WDR72: variants seen among roughly 807,000 people sequenced by gnomAD.
WDR72 encodes WD repeat-containing protein 72.
In WDR72, 120 loss-of-function variants were observed where a neutral mutation model predicts 124.2. That is an observed-to-expected ratio of 0.97 (90% confidence interval 0.83 to 1.12). The LOEUF is 1.12. Ranked by LOEUF, WDR72 falls within the 50% of genes most tolerant of loss-of-function variation. The pLI is 0.00. For synonymous variants in WDR72, 452 were observed against 441.7 expected, an observed-to-expected ratio of 1.02 and a Z score of -0.29; for missense variants, 1,387 against 1,278.8, an observed-to-expected ratio of 1.08 and a Z score of -1.29.
At chr15:53,520,284 A>T (rs1487954404) in intron 19 of WDR72, among the ~76,000 whole-genome samples, 5 of 152,130 alleles carry the variant, frequency 3.3e-5, no homozygotes, top group Non-Finnish European at 7.4e-5. Context: ...TGAGCTATTC[A>T]TTAAAATGAT....
chr15:53,595,949 T>C (rs2012750919), intron 18 of WDR72, among the ~76,000 whole-genome samples: 1 of 152,188 alleles, frequency 6.6e-6, no homozygotes, highest in Non-Finnish European at 1.5e-5. Flanking sequence ...CATTAAAACA[T>C]ATTCTACCTG....
intron 1 of WDR72, among the ~76,000 whole-genome samples, chr15:53,736,584 T>A (rs1472130851): frequency 6.6e-6 from 1 of 152,000 alleles, no homozygotes; most frequent in African/African-American, 2.4e-5. Context: ...TGGCACAAAG[T>A]GTTGAAGCCC....
chr15:53,594,325 G>A (rs1389267256), intron 18 of WDR72, among the ~76,000 whole-genome samples: 3 of 150,186 alleles, frequency 2.0e-5, no homozygotes, highest in Non-Finnish European at 3.0e-5. Flanking sequence ...ATTAAGAAAC[G>A]AGGGGAGGGA....
chr15:53,603,522 A>C (rs2013137624), intron 17 of WDR72, among the ~76,000 whole-genome samples: 3 of 152,012 alleles, frequency 2.0e-5, no homozygotes, highest in Admixed American at 2.0e-4. Flanking sequence ...AAGGTCATTC[A>C]AGTAGGAAAA....
intron 3 of WDR72, among the ~76,000 whole-genome samples, chr15:53,720,555 G>A (rs2017848915): frequency 6.6e-6 from 1 of 152,056 alleles, no homozygotes; most frequent in Non-Finnish European, 1.5e-5. Flanking sequence ...TTTGTCTGAA[G>A]GTTTATTATT....
intron 2 of WDR72, among the ~76,000 whole-genome samples, chr15:53,726,074 G>GA (rs958241445): frequency 1.1e-3 from 143 of 124,736 alleles, no homozygotes; most frequent in South Asian, 6.7e-3. Context: ...TTCATCTCAA[G>GA]AAAAAAAAAA....
intron 14 of WDR72, among the ~76,000 whole-genome samples, chr15:53,661,215 C>A (rs1374698134): frequency 6.6e-6 from 1 of 152,082 alleles, no homozygotes; most frequent in Non-Finnish European, 1.5e-5. Flanking sequence ...TAAAGGAATA[C>A]CTGATGCTGA....
chr15:53,623,452 T>C (rs2014082425), intron 14 of WDR72, among the ~76,000 whole-genome samples: 1 of 151,984 alleles, frequency 6.6e-6, no homozygotes, highest in African/African-American at 2.4e-5. Context: ...ATGATTTCAT[T>C]CTTTTTTATG....
intron 18 of WDR72, among the ~76,000 whole-genome samples, chr15:53,578,684 G>T (rs928645527): frequency 6.6e-6 from 1 of 151,948 alleles, no homozygotes. Context: ...TAAATAATCT[G>T]CACTTTATCC....
intron 13 of WDR72, among the ~76,000 whole-genome samples, chr15:53,678,984 A>C (rs2016282685): frequency 6.6e-6 from 1 of 152,248 alleles, no homozygotes; most frequent in Admixed American, 6.5e-5. Context: ...TTAAAAAAGG[A>C]AATTCTGACA....
At chr15:53,712,706 T>G (rs1223907199) in intron 7 of WDR72, 66 bp downstream of exon 7, 1 of 1,459,572 alleles carries the variant, frequency 6.9e-7, no homozygotes, top group African/African-American at 1.4e-5. Flanking sequence ...ATATTCTTAT[T>G]TTTGTACAAA....
chr15:53,603,269 T>G (rs991964855), intron 17 of WDR72, among the ~76,000 whole-genome samples: 13 of 151,858 alleles, frequency 8.6e-5, no homozygotes, highest in African/African-American at 2.9e-4. Context: ...CAGAAAAGGC[T>G]CTCAATAAAA....
chr15:53,551,855 GACAC>G (rs148675620), intron 18 of WDR72, among the ~76,000 whole-genome samples: 5 of 149,562 alleles, frequency 3.3e-5, no homozygotes, highest in African/African-American at 7.4e-5. Context: ...AGAATACACA[GACAC>G]ACACACACAC....
chr15:53,665,368 C>T (rs953210422), intron 14 of WDR72, among the ~76,000 whole-genome samples: 1 of 152,112 alleles, frequency 6.6e-6, no homozygotes, highest in Non-Finnish European at 1.5e-5. Context: ...AAGCCAGAAC[C>T]TATTTTGTCA....
At chr15:53,606,257 AT>A (rs1183976514) in intron 17 of WDR72, among the ~76,000 whole-genome samples, 1 of 152,134 alleles carries the variant, frequency 6.6e-6, no homozygotes, top group African/African-American at 2.4e-5. Flanking sequence ...CTTTTTAATA[AT>A]TTTTTCCCCA....
chr15:53,615,708 G>C lies in WDR72; in HGVS notation c.2498C>G (p.Ser833Cys). Residue 833 changes from serine to cysteine, a missense_variant, in exon 15 of 20, where the codon TCT becomes TGT. Physicochemically the swap from Ser to Cys is moderately radical, Grantham distance 112. Coordinates refer to ENST00000360509, the MANE Select transcript of WDR72 (RefSeq NM_182758.4). The part of the protein sequence containing the change: ...KLQGPISLGI[S>C]LNEDNFSLML... ...CAGTGAGAAATTATCTTCATTCAAA[G>C]AAATTCCCAAAGAAATAGGACCCTG... The C allele has an allele frequency of 1.2e-6, 2 of 1,612,198 alleles. No homozygotes were observed. Among genetic ancestry groups the C allele is most frequent in the Non-Finnish European group, 8.5e-7 (1 of 1,179,190 alleles).
chr15:53,726,272 A>G (rs1675183611), intron 2 of WDR72, among the ~76,000 whole-genome samples: 1 of 117,048 alleles, frequency 8.5e-6, no homozygotes, highest in Non-Finnish European at 1.6e-5. Context: ...GTGTATATAT[A>G]TATATATATA....
At chr15:53,547,266 G>A (rs1037325391) in intron 18 of WDR72, among the ~76,000 whole-genome samples, 2 of 152,280 alleles carry the variant, frequency 1.3e-5, no homozygotes, top group South Asian at 2.1e-4. Flanking sequence ...CCGAGTTGCC[G>A]GGATTACAGG....
At chr15:53,570,748 A>C (rs1399760315) in intron 18 of WDR72, among the ~76,000 whole-genome samples, 3 of 152,094 alleles carry the variant, frequency 2.0e-5, no homozygotes, top group African/African-American at 7.2e-5. Flanking sequence ...CCCAAAGGAA[A>C]ATAAACTGTT....
Sources: allele counts gnomAD v4.1 joint callset (sites outside exome capture counted in the v4.1 genomes callset), GRCh38; gene constraint gnomAD v4.1.1; transcripts MANE v1.5; gene names NCBI Gene and HGNC (gene_info 2026-07-23, HGNC 2026-07-21).